The following NEBL variants were observed in gnomAD, a reference collection of about 807,000 sequenced individuals.
The protein encoded by NEBL is LIM and SH3 protein 2.
Under a neutral mutation model 140.2 loss-of-function variants are expected in NEBL, and 122 were observed. The ratio of observed to expected loss-of-function variants is 0.87; its 90% CI spans 0.75 to 1.01. The LOEUF (loss-of-function observed/expected upper bound fraction) is 1.01, where lower values mean the gene tolerates loss of function less well. NEBL is among the 50% of genes least tolerant of loss of function. The pLI is 0.00. For synonymous variants in NEBL, 436 were observed against 398.9 expected, an observed-to-expected ratio of 1.09 and a Z score of -1.11; for missense variants, 1,365 against 1,231.3, an observed-to-expected ratio of 1.11 and a Z score of -1.62.
At chr10:21,289,954 T>C (rs917403157) in intron 1 of NEBL, among the ~76,000 whole-genome samples, 21 of 152,350 alleles carry the variant, frequency 1.4e-4, no homozygotes, top group African/African-American at 4.8e-4. Flanking sequence ...TAAGACTCTT[T>C]ACTCTCTGGC....
At chr10:20,945,875 C>T (rs529478304) in intron 4 of NEBL, among the ~76,000 whole-genome samples, 4 of 152,314 alleles carry the variant, frequency 2.6e-5, no homozygotes, top group African/African-American at 9.6e-5. Flanking sequence ...ACTCCAGTCC[C>T]AGCTCTGTTC....
Position 20,780,694 on chromosome 10 carries a change from T to A in NEBL, c.*5053A>T, listed in dbSNP as rs1182035742. 6.6e-6 allele frequency: 1 copy of A among 152,138 alleles called. No homozygotes were observed. The highest frequency in any genetic ancestry group is 1.9e-4 in the East Asian group (1 of 5,186). The allele number at this position is 152,138 out of a possible 1,614,324, so 9.4% of individuals were successfully genotyped here. ...CAAATGTGTAGAGATAGGAAATTAATGTGTTATAATGTTTTACAAATACAG... is the reference window on the plus strand; with the variant it reads ...CAAATGTGTAGAGATAGGAAATTAAAGTGTTATAATGTTTTACAAATACAG... On this transcript the variant is annotated 3_prime_UTR_variant, in exon 28 of 28. Coordinates refer to ENST00000377122, the MANE Select transcript of NEBL (RefSeq NM_006393.3).
At chr10:21,021,508 G>A (rs1838791541) in intron 2 of NEBL, among the ~76,000 whole-genome samples, 1 of 152,050 alleles carries the variant, frequency 6.6e-6, no homozygotes, top group South Asian at 2.1e-4. Context: ...CCCCCTTCTC[G>A]TTCCCACTGC....
chr10:20,817,657 T>C lies in NEBL; in HGVS notation c.2091A>G (p.Ala697=). The C allele has an allele frequency of 6.2e-7, 1 of 1,613,960 alleles. No homozygotes were observed. Among genetic ancestry groups the C allele is most frequent in the Non-Finnish European group, 8.5e-7 (1 of 1,179,844 alleles). ...TCTTCAGCTCTGGTGGATCAGAAAT[T>C]GCAGTTCCCCGTTGAAGTTCTCCCT... is the stretch of plus-strand genomic sequence containing the variant. ...KYKGELQRGT[A]ISDPPELKRA... Residue 697 remains alanine (A), a synonymous_variant, in exon 21 of 28, where the codon GCA becomes GCG. Coordinates refer to ENST00000377122, the MANE Select transcript of NEBL (RefSeq NM_006393.3).
chr10:20,972,662 G>T (rs1430215728), intron 3 of NEBL, among the ~76,000 whole-genome samples: 4 of 152,172 alleles, frequency 2.6e-5, no homozygotes, highest in Middle Eastern at 3.4e-3. Context: ...CAGGAGAATT[G>T]CTTGAACCCG....
intron 6 of NEBL, among the ~76,000 whole-genome samples, chr10:20,869,318 A>G (rs1390791860): frequency 6.6e-6 from 1 of 152,176 alleles, no homozygotes; most frequent in Non-Finnish European, 1.5e-5. Flanking sequence ...TACGCCATGT[A>G]GGAAGTGGAC....
chr10:21,129,842 CA>C (rs1158011608), intron 2 of NEBL, among the ~76,000 whole-genome samples: 1 of 151,776 alleles, frequency 6.6e-6, no homozygotes, highest in African/African-American at 2.4e-5. Flanking sequence ...AACGAAAGAA[CA>C]AGGGCAAAAA....
intron 3 of NEBL, among the ~76,000 whole-genome samples, chr10:21,183,338 TAGAC>T (rs1374981046): frequency 5.9e-5 from 9 of 151,630 alleles, no homozygotes; most frequent in Admixed American, 6.6e-5. Context: ...TGAGGACAAA[TAGAC>T]AGGGTTGGAA....
chr10:20,953,810 G>A (rs895585431), intron 4 of NEBL, among the ~76,000 whole-genome samples: 9 of 151,872 alleles, frequency 5.9e-5, no homozygotes, highest in African/African-American at 4.8e-5. Flanking sequence ...GAAAAAGAAT[G>A]TACAAAATTA....
At chr10:21,092,741 C>T (rs1836980027) in intron 2 of NEBL, among the ~76,000 whole-genome samples, 1 of 152,062 alleles carries the variant, frequency 6.6e-6, no homozygotes, top group African/African-American at 2.4e-5. Context: ...TATTTTGACT[C>T]TCTACTTTCA....
intron 2 of NEBL, among the ~76,000 whole-genome samples, chr10:21,167,019 T>C (rs888769356): frequency 4.6e-5 from 7 of 152,164 alleles, no homozygotes; most frequent in East Asian, 1.9e-4. Context: ...AGCAGCGAAA[T>C]GGTACGTGAG....
intron 2 of NEBL, among the ~76,000 whole-genome samples, chr10:21,141,129 C>G (rs957106531): frequency 6.6e-6 from 1 of 150,758 alleles, no homozygotes; most frequent in African/African-American, 2.4e-5. Context: ...AAGAAATGTC[C>G]CAGATTAAAG....
Position 20,915,919 on chromosome 10 carries a change from C to T in NEBL, c.357+45753G>A, listed in dbSNP as rs10159777. Among the ~76,000 whole-genome samples, 21 of 152,238 alleles carry T rather than the reference C, an allele frequency of 1.4e-4. No individual in the cohort carries two copies. The South Asian group carries it at 1.9e-3, about 14-fold the overall frequency. On this transcript the variant is annotated intron_variant, in intron 4 of 6. Coordinates refer to the NEBL transcript ENST00000417816. Reference sequence around the variant, plus strand: ...CAAACATTTATATCCAGGTATTCAACGAACATTCTATTTAAAACAAAATTG... The same window carrying T: ...CAAACATTTATATCCAGGTATTCAATGAACATTCTATTTAAAACAAAATTG...
chr10:20,909,595 C>T (rs1265030825), intron 4 of NEBL, among the ~76,000 whole-genome samples: 1 of 152,052 alleles, frequency 6.6e-6, no homozygotes, highest in Non-Finnish European at 1.5e-5. Flanking sequence ...GGATCTAATA[C>T]ATAAAAATTT....
At position 20,782,092 on chromosome 10, in the gene NEBL, G is replaced by A. The variant is rs957383124; in HGVS notation, c.*3655C>T. 3 of 152,526 alleles carry A rather than the reference G, an allele frequency of 2.0e-5. No homozygotes were observed. Among genetic ancestry groups the A allele is most frequent in the Admixed American group, 2.0e-4 (3 of 15,256 alleles). 9.4% of individuals were successfully genotyped at this position (152,526 alleles called of 1,614,324 possible). ...AAGAACCTTTCAGAAATAGATGGAA[G>A]AAGTCGGCATTTTCTAAAGTTCTAA... On this transcript the variant is annotated 3_prime_UTR_variant, in exon 28 of 28. Transcript: ENST00000377122.
At chr10:20,815,963 T>C in intron 21 of NEBL, 1 of 456,126 alleles carries the variant, frequency 2.2e-6, no homozygotes, top group South Asian at 2.2e-5. Flanking sequence ...AGATTGAGTT[T>C]TGCCATGTTG....
chr10:20,854,561 CTTT>C (rs71390794), intron 9 of NEBL, among the ~76,000 whole-genome samples: 3 of 107,264 alleles, frequency 2.8e-5, no homozygotes. Flanking sequence ...TCATATAGTA[CTTT>C]TTTTTTTTTT....
At chr10:21,286,716 C>T (rs1305882356) in intron 1 of NEBL, among the ~76,000 whole-genome samples, 4 of 152,108 alleles carry the variant, frequency 2.6e-5, no homozygotes, top group African/African-American at 9.7e-5. Flanking sequence ...CACCTGTAGT[C>T]CCAGTTACTC....
At chr10:21,081,703 T>TG (rs879830440) in intron 2 of NEBL, among the ~76,000 whole-genome samples, 1 of 151,884 alleles carries the variant, frequency 6.6e-6, no homozygotes, top group African/African-American at 2.4e-5. Flanking sequence ...ATTCCAGGGA[T>TG]GGGGGAGGAA....
Sources: gnomAD v4.1 joint callset for allele counts (sites outside exome capture counted in the v4.1 genomes callset) on GRCh38, gnomAD v4.1.1 for gene constraint, MANE v1.5 for transcripts, NCBI Gene and HGNC (gene_info 2026-07-23, HGNC 2026-07-21) for gene names.